RTF2: variants seen among roughly 807,000 people sequenced by gnomAD.
The protein encoded by RTF2 is replication termination factor 2.
In RTF2, 18 loss-of-function variants were observed where a neutral mutation model predicts 38.0. The ratio of observed to expected loss-of-function variants is 0.47; its 90% CI spans 0.33 to 0.70. The LOEUF is 0.70. RTF2 is among the 30% of genes least tolerant of loss of function. The pLI is 0.02. For missense variants in RTF2, 311 were observed against 379.6 expected, an observed-to-expected ratio of 0.82 and a Z score of 1.50; for synonymous variants, 126 against 137.1, an observed-to-expected ratio of 0.92 and a Z score of 0.57.
At chr20:56,471,444 T>C (rs1241467878) in intron 1 of RTF2, among the ~76,000 whole-genome samples, 1 of 152,082 alleles carries the variant, frequency 6.6e-6, no homozygotes, top group African/African-American at 2.4e-5. Flanking sequence ...GGCAGGTGCC[T>C]GTAGTCCCAG....
intron 5 of RTF2, 50 bp downstream of exon 5, chr20:56,484,239 C>A (rs1041068057): frequency 1.2e-5 from 17 of 1,458,018 alleles, no homozygotes; most frequent in Non-Finnish European, 1.6e-5. Flanking sequence ...CTGAGGAAAT[C>A]AGATGGTTTA....
intron 5 of RTF2, among the ~76,000 whole-genome samples, chr20:56,499,169 T>C (rs1261261928): frequency 2.0e-5 from 3 of 152,036 alleles, no homozygotes; most frequent in Non-Finnish European, 4.4e-5. Flanking sequence ...TTTAAAGACA[T>C]TCTTATAAAT....
In RTF2 at chr20:56,468,740, G is replaced by A; in HGVS notation, c.43G>A (p.Val15Met). The change falls in exon 1 of 9, where the codon GTG becomes ATG. Residue 15 changes from valine to methionine, a missense_variant. Transcript: ENST00000357348. ...AACAATCCCCAAGAGGCATGAACTG[G>A]TGAAGGGGCCGAAGAAGGTTGAGAA... Reference protein sequence around the residue: ...GGTIPKRHELVKGPKKVEKVD... With the variant: ...GGTIPKRHELMKGPKKVEKVD... The A allele has an allele frequency of 6.3e-7, 1 of 1,590,260 alleles. No homozygotes were observed. The highest frequency in any genetic ancestry group is 8.6e-7 in the Non-Finnish European group (1 of 1,168,592).
At chr20:56,513,762 G>T in intron 6 of RTF2, 1 of 243,014 alleles carries the variant, frequency 4.1e-6, no homozygotes, top group Non-Finnish European at 8.4e-6. Flanking sequence ...CTTGGGGAAG[G>T]GCAGCCACCA....
intron 5 of RTF2, among the ~76,000 whole-genome samples, chr20:56,509,611 CAA>C (rs567362731): frequency 1.2e-4 from 13 of 105,990 alleles, no homozygotes; most frequent in Admixed American, 2.1e-4. Flanking sequence ...GATCCCATCT[CAA>C]AAAAAAAAAA....
chr20:56,496,378 T>A (rs1301871658), intron 5 of RTF2, among the ~76,000 whole-genome samples: 1 of 152,072 alleles, frequency 6.6e-6, no homozygotes, highest in Non-Finnish European at 1.5e-5. Context: ...ACAAACACTG[T>A]CTCTACTAAA....
chr20:56,479,285 G>T (rs1233416299), intron 4 of RTF2, among the ~76,000 whole-genome samples: 1 of 152,114 alleles, frequency 6.6e-6, no homozygotes, highest in Non-Finnish European at 1.5e-5. Context: ...GAGTGCAGTG[G>T]CACAATCTCG....
intron 5 of RTF2, chr20:56,497,464 G>A: frequency 6.6e-7 from 1 of 1,520,266 alleles, no homozygotes. Flanking sequence ...AGTTCATCTG[G>A]GTAAAAGCCA....
chr20:56,470,308 A>T (rs1284470377), intron 1 of RTF2, among the ~76,000 whole-genome samples: 5 of 152,258 alleles, frequency 3.3e-5, no homozygotes, highest in Non-Finnish European at 7.3e-5. Context: ...GCTTGACAAG[A>T]AACAGGTGTC....
chr20:56,502,954 A>T (rs553449599), intron 5 of RTF2, among the ~76,000 whole-genome samples: 88 of 152,282 alleles, frequency 5.8e-4, no homozygotes, highest in African/African-American at 2.1e-3. Flanking sequence ...GATGTGGTGT[A>T]TGGTAGTGTC....
intron 5 of RTF2, among the ~76,000 whole-genome samples, chr20:56,490,395 G>A (rs950899361): frequency 1.3e-5 from 2 of 152,212 alleles, no homozygotes; most frequent in Non-Finnish European, 2.9e-5. Context: ...AACAGCAGCG[G>A]CAGCAGCAAA....
chr20:56,501,016 T>C (rs1286294304), intron 5 of RTF2, among the ~76,000 whole-genome samples: 1 of 152,192 alleles, frequency 6.6e-6, no homozygotes, highest in East Asian at 1.9e-4. Context: ...ATAATAATTA[T>C]ATATGTTTAT....
At chr20:56,507,345 G>C (rs560830959) in intron 5 of RTF2, among the ~76,000 whole-genome samples, 2 of 152,102 alleles carry the variant, frequency 1.3e-5, no homozygotes, top group Non-Finnish European at 2.9e-5. Flanking sequence ...CGAGTGATGG[G>C]GCCCCTAGCA....
At chr20:56,499,179 T>TTATA (rs910072908) in intron 5 of RTF2, among the ~76,000 whole-genome samples, 12 of 152,084 alleles carry the variant, frequency 7.9e-5, no homozygotes, top group African/African-American at 2.9e-4. Context: ...TTCTTATAAA[T>TTATA]TATGTAATAC....
chr20:56,494,656 C>T (rs1228176318), intron 5 of RTF2, among the ~76,000 whole-genome samples: 2 of 152,208 alleles, frequency 1.3e-5, no homozygotes, highest in African/African-American at 4.8e-5. Context: ...TAACCTGGTC[C>T]CTCTGCTTCA....
chr20:56,474,104 T>C (rs560784591), intron 2 of RTF2, among the ~76,000 whole-genome samples: 1 of 152,328 alleles, frequency 6.6e-6, no homozygotes, highest in African/African-American at 2.4e-5. Flanking sequence ...AAATACGTAC[T>C]TATACGTTAA....
intron 5 of RTF2, among the ~76,000 whole-genome samples, chr20:56,486,952 G>C (rs896113200): frequency 6.6e-6 from 1 of 152,154 alleles, no homozygotes; most frequent in Admixed American, 6.5e-5. Flanking sequence ...GAGAGAGGCC[G>C]AGGTGTGAGT....
intron 3 of RTF2, among the ~76,000 whole-genome samples, chr20:56,476,687 C>T (rs376592285): frequency 1.2e-4 from 19 of 152,010 alleles, no homozygotes; most frequent in Middle Eastern, 3.4e-3. Flanking sequence ...TTAGTAGAGA[C>T]GGGGTTTCTC....
chr20:56,477,030 G>A lies in RTF2; in HGVS notation c.304G>A (p.Asp102Asn). Residue 102 changes from aspartate (D) to asparagine (N), a missense_variant, in exon 4 of 9, where the codon GAT (aspartate) becomes AAT (asparagine). Coordinates refer to ENST00000357348, the MANE Select transcript of RTF2 (RefSeq NM_016407.5). The part of the protein sequence containing the change: ...KLSDNPAWEG[D>N]KGNTKGDKHD... ...TTCTGATAATCCTGCCTGGGAAGGG[G>A]ATAAAGGAAACACTAAAGGTGACAA... is the stretch of plus-strand genomic sequence containing the variant. 1 of 1,614,102 alleles carries A rather than the reference G, an allele frequency of 6.2e-7. No homozygotes were observed. The highest frequency in any genetic ancestry group is 1.3e-5 in the African/African-American group (1 of 75,034).
Sources: allele counts gnomAD v4.1 joint callset (sites outside exome capture counted in the v4.1 genomes callset), GRCh38; gene constraint gnomAD v4.1.1; transcripts MANE v1.5; gene names NCBI Gene and HGNC (gene_info 2026-07-23, HGNC 2026-07-21).